BAHCC1: variants seen among roughly 807,000 people sequenced by gnomAD.
The protein encoded by BAHCC1 is BAH and coiled-coil domain-containing protein 1.
A neutral mutation model predicts 88.2 loss-of-function variants in BAHCC1; 43 were observed. That is an observed-to-expected ratio of 0.49 (90% confidence interval 0.38 to 0.63). BAHCC1 has a LOEUF of 0.63. BAHCC1 is among the 20% of genes least tolerant of loss of function. The pLI is 0.00. For synonymous variants in BAHCC1, 1,510 were observed against 745.5 expected (o/e 2.03, Z -16.71); for missense variants, 3,023 against 1,654.8 (o/e 1.83, Z -14.34).
intron 2 of BAHCC1, among the ~76,000 whole-genome samples, chr17:81,408,860 A>T (rs973746889): frequency 6.6e-6 from 1 of 152,046 alleles, no homozygotes; most frequent in Non-Finnish European, 1.5e-5. Flanking sequence ...CTGGGGGTGG[A>T]AATGTCCTTC....
intron 3 of BAHCC1, among the ~76,000 whole-genome samples, chr17:81,433,019 C>T (rs1467162845): frequency 1.3e-5 from 2 of 149,626 alleles, no homozygotes; most frequent in Non-Finnish European, 3.0e-5. Flanking sequence ...AACCTGGCAC[C>T]TGCTCCCGCT....
Position 81,445,031 on chromosome 17 carries a change from G to C in BAHCC1, c.2688G>C (p.Gln896His), listed in dbSNP as rs1295300048. 1 of 764,680 alleles carries C rather than the reference G, an allele frequency of 1.3e-6. No homozygotes were observed. The highest frequency in any genetic ancestry group is 1.4e-5 in the South Asian group (1 of 72,408). 47.4% of individuals were successfully genotyped at this position (764,680 alleles called of 1,614,324 possible). ...APHALADVMD[Q>H]ASLWPPMYGG... ...TGCCCACAGCGGATGTCATGGACCA[G>C]GCGTCACTGTGGCCCCCCATGTACG... Residue 896 changes from glutamine to histidine, a missense_variant, in exon 9 of 28, where the codon CAG becomes CAC. By Grantham distance (24) the Gln-to-His change is conservative. Coordinates refer to ENST00000675386, the MANE Select transcript of BAHCC1 (RefSeq NM_001377448.1).
At position 81,461,010 on chromosome 17, in the gene BAHCC1, CG is replaced by C; in HGVS notation, c.6352del (p.Val2118CysfsTer98). The C allele has an allele frequency of 2.6e-6, 2 of 773,186 alleles. No individual in the cohort carries two copies. The allele number at this position is 773,186 out of a possible 1,614,324, so 47.9% of individuals were successfully genotyped here. A position where few individuals can be genotyped will look rare whatever the true frequency, so the allele number is the denominator to read the frequency against. On this transcript the variant is annotated frameshift_variant, in exon 26 of 28. Transcript: ENST00000675386. ...GCGGTGGCAGCGGCCAGCAAGGGGC[CG>C]GGGGTGCTGCAGAACCTCTTCCAGC... The part of the protein sequence containing the change: ...RKAVAAASKG[P>X]GVLQNLFQLN...
chr17:81,422,133 T>A lies in BAHCC1; in HGVS notation c.179-4667T>A, dbSNP rs1407873792. 5.3e-5 allele frequency among the ~76,000 whole-genome samples: 8 copies of A among 152,076 alleles called. 1 individual carries two copies. The highest frequency in any genetic ancestry group is 5.2e-4 in the Admixed American group (8 of 15,270). On this transcript the variant is annotated intron_variant, in intron 2 of 27. Transcript: ENST00000675386. Reference sequence around the variant, plus strand: ...TTCAAGCAATTCTCCCGCCTCAGCCTCCCAAATAGCTGGGATTACAGGTGC... The same window carrying A: ...TTCAAGCAATTCTCCCGCCTCAGCCACCCAAATAGCTGGGATTACAGGTGC...
chr17:81,408,374 C>A (rs1417597676), intron 2 of BAHCC1, among the ~76,000 whole-genome samples: 6 of 152,018 alleles, frequency 3.9e-5, no homozygotes, highest in Admixed American at 3.9e-4. Context: ...TGCTCGGCTA[C>A]CCCAGGCCCC....
chr17:81,447,396 A>T lies in BAHCC1; in HGVS notation c.3524A>T (p.His1175Leu). ...GGCCCCGAGGCCACCGGCCAGGCTCATTCTACTCAGGGAGGGGCACGAGAA... is the reference window on the plus strand; with the variant it reads ...GGCCCCGAGGCCACCGGCCAGGCTCTTTCTACTCAGGGAGGGGCACGAGAA... Reference protein sequence around the residue: ...AGGPEATGQAHSTQGGAREER... With the variant: ...AGGPEATGQALSTQGGAREER... Residue 1175 changes from histidine to leucine, a missense_variant, in exon 11 of 28, where the codon CAT (histidine) becomes CTT (leucine). Physicochemically the swap from His to Leu is moderately conservative, Grantham distance 99 (BLOSUM62 -3). Transcript: ENST00000675386. 1.3e-6 allele frequency: 1 copy of T among 743,328 alleles called. No homozygotes were observed. Among genetic ancestry groups the T allele is most frequent in the Non-Finnish European group, 2.5e-6 (1 of 399,696 alleles). The allele number at this position is 743,328 out of a possible 1,614,324, so 46.0% of individuals were successfully genotyped here.
intron 2 of BAHCC1, chr17:81,406,815 G>A (rs1555646977): frequency 6.6e-6 from 3 of 451,130 alleles, no homozygotes; most frequent in Admixed American, 4.7e-5. Flanking sequence ...TGAGGTCGGC[G>A]CGGGGTTTGC....
At chr17:81,433,748 C>T (rs534047181) in intron 3 of BAHCC1, among the ~76,000 whole-genome samples, 25 of 152,282 alleles carry the variant, frequency 1.6e-4, no homozygotes, top group African/African-American at 5.5e-4. Context: ...GTCAGTCCAC[C>T]GAGGTCCCCG....
At chr17:81,400,976 A>C (rs1383584703) in intron 2 of BAHCC1, 2 of 152,460 alleles carry the variant, frequency 1.3e-5, no homozygotes, top group Admixed American at 1.3e-4. Context: ...TTTTGTTTAC[A>C]GTTTGTTCTA....
chr17:81,438,676 C>T (rs1762512974), intron 4 of BAHCC1, among the ~76,000 whole-genome samples, 184 bp downstream of exon 4: 3 of 152,114 alleles, frequency 2.0e-5, no homozygotes, highest in South Asian at 2.1e-4. Context: ...CCCAGGGGCC[C>T]AGGACCACCC....
At chr17:81,396,093 C>CGCTCCCCTACCCT (rs2063743539) in intron 1 of BAHCC1, 1 of 152,246 alleles carries the variant, frequency 6.6e-6, no homozygotes, top group Non-Finnish European at 1.5e-5. Context: ...CCCCAACATT[C>CGCTCCCCTACCCT]GCTCCCCTAC....
At chr17:81,444,059 C>G (rs2064475785) in intron 6 of BAHCC1, 142 bp downstream of exon 6, 2 of 620,050 alleles carry the variant, frequency 3.2e-6, no homozygotes, top group Non-Finnish European at 5.8e-6. Context: ...TTCTCCCCAC[C>G]CCTAGAGCCT....
At chr17:81,423,332 C>G (rs1420015062) in intron 2 of BAHCC1, among the ~76,000 whole-genome samples, 2 of 152,234 alleles carry the variant, frequency 1.3e-5, no homozygotes, top group African/African-American at 4.8e-5. Flanking sequence ...CTGCCAGGGC[C>G]GTGCAGGGCA....
chr17:81,418,414 C>T (rs1032777232), intron 2 of BAHCC1, among the ~76,000 whole-genome samples: 20 of 152,152 alleles, frequency 1.3e-4, no homozygotes, highest in African/African-American at 4.3e-4. Context: ...CCCCAGGAGA[C>T]GCAGCTCAGA....
intron 2 of BAHCC1, chr17:81,422,790 C>T (rs1555649741): frequency 2.3e-6 from 1 of 443,584 alleles, no homozygotes. Flanking sequence ...AGTTGCTTCC[C>T]ACCATCCCGA....
rs1448417713 is a variant in BAHCC1 at position 81,435,153 on chromosome 17, C to T, written c.359-3217C>T. Among the ~76,000 whole-genome samples, 1 of 152,138 alleles carries T rather than the reference C, an allele frequency of 6.6e-6. No homozygotes were observed. The highest frequency in any genetic ancestry group is 2.4e-5 in the African/African-American group (1 of 41,430). On this transcript the variant is annotated intron_variant, in intron 3 of 27. Coordinates refer to ENST00000675386, the MANE Select transcript of BAHCC1 (RefSeq NM_001377448.1). This position sits in a 1 kb window ranked among gnomAD's most constrained non-coding sequence, Gnocchi z 4.4. ...TCTCTCCTCCTGCCCACACCACAGGCCTCCTACCTGCAACCCTTGACCTCC... is the reference window on the plus strand; with the variant it reads ...TCTCTCCTCCTGCCCACACCACAGGTCTCCTACCTGCAACCCTTGACCTCC...
Position 81,403,743 on chromosome 17 carries a change from C to T in BAHCC1, c.178+3826C>T, listed in dbSNP as rs190777492. Among the ~76,000 whole-genome samples the T allele has an allele frequency of 2.4e-3, 364 of 152,344 alleles. 2 individuals are homozygous for T. The highest frequency in any genetic ancestry group is 0.02 in the South Asian group (95 of 4,828). On this transcript the variant is annotated intron_variant, in intron 2 of 27. Coordinates refer to ENST00000675386, the MANE Select transcript of BAHCC1 (RefSeq NM_001377448.1). Reference sequence around the variant, plus strand: ...AGAGTTACTTTCCGAAGACGTCACCCGTCCCGCTCCATAAGTGACAGAGTT... The same window carrying T: ...AGAGTTACTTTCCGAAGACGTCACCTGTCCCGCTCCATAAGTGACAGAGTT...
rs1275369046 is a variant in BAHCC1 at position 81,461,271 on chromosome 17, G to C, written c.6608G>C (p.Gly2203Ala). 7.1e-6 allele frequency: 5 copies of C among 701,686 alleles called. No individual in the cohort carries two copies. The East Asian group carries it at 1.3e-4, about 18-fold the overall frequency. 43.5% of individuals were successfully genotyped at this position (701,686 alleles called of 1,614,324 possible). A position where few individuals can be genotyped will look rare whatever the true frequency, so the allele number is the denominator to read the frequency against. The change falls in exon 26 of 28, where the codon GGC (glycine) becomes GCC (alanine). Residue 2203 changes from glycine (G) to alanine (A), a missense_variant. Physicochemically the swap from Gly to Ala is moderately conservative, Grantham distance 60. Transcript: ENST00000675386. ...EAEKGGRRRA[G>A]GEFLVKLDHE... is the part of the protein sequence containing the mutation. The stretch of plus-strand genomic sequence containing the variant: ...GAGAAGGGTGGGCGGCGGCGGGCGG[G>C]CGGTGAGTTCCTGGTCAAGCTGGAC...
In BAHCC1 at chr17:81,411,409, C is replaced by G; in HGVS notation, c.178+11492C>G. On this transcript the variant is annotated intron_variant, in intron 2 of 27. Transcript: ENST00000675386. The surrounding 1 kb of genome is among the most constrained non-coding windows in gnomAD (Gnocchi z 6.2). ...TGCTGGCTCCATCCTCCACTGCATT[C>G]AAATTGATCAGGGAGGGTGGGGTTG... The G allele has an allele frequency of 3.2e-6, 1 of 316,954 alleles. No homozygotes were observed. Among genetic ancestry groups the G allele is most frequent in the East Asian group, 9.8e-5 (1 of 10,210 alleles). 19.6% of individuals were successfully genotyped at this position (316,954 alleles called of 1,614,324 possible).
Sources: gnomAD v4.1 joint callset for allele counts (sites outside exome capture counted in the v4.1 genomes callset) on GRCh38, gnomAD v4.1.1 for gene constraint, Gnocchi (gnomAD v3.1) non-coding constraint, MANE v1.5 for transcripts, NCBI Gene and HGNC (gene_info 2026-07-23, HGNC 2026-07-21) for gene names.